Variants in DHX58 observed in about 807,000 individuals in gnomAD.
The protein encoded by DHX58 is ATP-dependent RNA helicase DHX58.
A neutral mutation model predicts 65.0 loss-of-function variants in DHX58; 51 were observed. The ratio of observed to expected loss-of-function variants is 0.78; its 90% CI spans 0.63 to 0.99. The LOEUF is 0.99. Ranked by LOEUF, DHX58 falls within the 50% of genes least tolerant of loss-of-function variation. The probability of loss-of-function intolerance (pLI) is 0.00; values close to 1 mark genes in which losing one functional copy is unlikely to be tolerated. For synonymous variants in DHX58, 350 were observed against 365.0 expected, an observed-to-expected ratio of 0.96 and a Z score of 0.47; for missense variants, 773 against 891.8, an observed-to-expected ratio of 0.87 and a Z score of 1.70.
chr17:42,102,713 C>G (rs1034137433), intron 12 of DHX58: 1 of 161,396 alleles, frequency 6.2e-6, no homozygotes, highest in Non-Finnish European at 1.3e-5. Flanking sequence ...ACTTTCACAC[C>G]TGACCTTTCA....
At chr17:42,110,201 A>G (rs2054128325) in intron 5 of DHX58, among the ~76,000 whole-genome samples, 2 of 151,974 alleles carry the variant, frequency 1.3e-5, no homozygotes, top group South Asian at 2.1e-4. Context: ...AAAAAAAAAA[A>G]AAAGAAAACA....
chr17:42,111,660 G>A (rs1555664310), intron 3 of DHX58, 65 bp downstream of exon 3: 2 of 1,574,044 alleles, frequency 1.3e-6, no homozygotes, highest in African/African-American at 1.3e-5. Flanking sequence ...TGGGGACTGG[G>A]AGATGCCTGA....
chr17:42,111,559 G>A, intron 3 of DHX58, 62 bp from the exon 4 acceptor site: 1 of 1,601,648 alleles, frequency 6.2e-7, no homozygotes, highest in Non-Finnish European at 8.5e-7. Context: ...TAGGGAGGCG[G>A]TAAGGTGACC....
In DHX58 at chr17:42,111,289, C is replaced by T; in HGVS notation, c.370+7G>A. On this transcript the variant is annotated splice_region_variant and intron_variant, in intron 4 of 13. Transcript: ENST00000251642. ...CGTATCTTTTTCCTCCCGGCCATGGCCCTCACCAGTGAGCTCCACGTGCTC... is the reference window on the plus strand; with the variant it reads ...CGTATCTTTTTCCTCCCGGCCATGGTCCTCACCAGTGAGCTCCACGTGCTC... 1 of 1,609,482 alleles carries T rather than the reference C, an allele frequency of 6.2e-7. No individual in the cohort carries two copies. The highest frequency in any genetic ancestry group is 2.2e-5 in the East Asian group (1 of 44,674).
intron 8 of DHX58, among the ~76,000 whole-genome samples, chr17:42,107,367 T>TTAA (rs55830333): frequency 0.017 from 2,392 of 140,100 alleles, 76 homozygotes; most frequent in African/African-American, 0.056. Flanking sequence ...CCCCGACTAT[T>TTAA]AAAAAAAAAA....
At chr17:42,102,432 A>G in intron 12 of DHX58, 120 bp from the exon 13 acceptor site, 1 of 808,906 alleles carries the variant, frequency 1.2e-6, no homozygotes, top group African/African-American at 1.7e-5. Flanking sequence ...TAAGAGGCAC[A>G]GACTTCCCAG....
At chr17:42,106,635 T>TAAAAAAAAA (rs2054064390) in intron 8 of DHX58, among the ~76,000 whole-genome samples, 2 of 105,290 alleles carry the variant, frequency 1.9e-5, no homozygotes, top group African/African-American at 5.6e-5. Context: ...CCGTCTCTAC[T>TAAAAAAAAA]AAAAATACAA....
At chr17:42,104,526 C>T (rs868937105) in intron 11 of DHX58, among the ~76,000 whole-genome samples, 6 of 152,162 alleles carry the variant, frequency 3.9e-5, no homozygotes, top group African/African-American at 1.2e-4. Context: ...CATAAAGTAT[C>T]TCATGGCAAA....
chr17:42,102,419 G>A, intron 12 of DHX58, 107 bp from the exon 13 acceptor site: 6 of 950,846 alleles, frequency 6.3e-6, no homozygotes, highest in African/African-American at 1.6e-5. Flanking sequence ...CCTTCCTGCT[G>A]GTTAAGAGGC....
chr17:42,107,525 T>G (rs577687203), intron 8 of DHX58, 79 bp downstream of exon 8: 4 of 1,436,376 alleles, frequency 2.8e-6, no homozygotes, highest in Non-Finnish European at 2.8e-6. Context: ...CCATCCGACC[T>G]TGGCGCCTGT....
At position 42,111,707 on chromosome 17, in the gene DHX58, T is replaced by A; in HGVS notation, c.168+18A>T. ...CCTGCTTGGTGGTGGGAGAGCGGGG[T>A]AGGGACAGACCACTCACCCTGTTGA... On this transcript the variant is annotated intron_variant, in intron 3 of 13. Transcript: ENST00000251642. The A allele has an allele frequency of 6.3e-7, 1 of 1,599,924 alleles. No individual in the cohort carries two copies. Among genetic ancestry groups the A allele is most frequent in the Non-Finnish European group, 8.5e-7 (1 of 1,169,948 alleles).
chr17:42,107,581 C>T lies in DHX58; in HGVS notation c.997+23G>A, dbSNP rs782162793. On this transcript the variant is annotated intron_variant, in intron 8 of 13. Transcript: ENST00000251642. ...ATCCAGGTCCCATCATCCCCGGCCC[C>T]GAAGCCCCCTCCCGCCCCTCACCAT... The T allele has an allele frequency of 4.6e-6, 7 of 1,537,674 alleles. No homozygotes were observed. The African/African-American group carries it at 5.4e-5, about 12-fold the overall frequency.
At chr17:42,112,302 C>G (rs180872760) in intron 1 of DHX58, 97 bp from the exon 2 acceptor site, 67 of 173,958 alleles carry the variant, frequency 3.9e-4, no homozygotes, top group African/African-American at 1.6e-3. Context: ...TAACAGTCAT[C>G]GCCAACTGCC....
At chr17:42,112,463 C>G (rs954647643) in intron 1 of DHX58, 142 bp downstream of exon 1, 1 of 173,698 alleles carries the variant, frequency 5.8e-6, no homozygotes, top group African/African-American at 2.4e-5. Flanking sequence ...CTGGCCAGAG[C>G]AGTCGGTACA....
intron 13 of DHX58, 22 bp from the exon 14 acceptor site, chr17:42,101,968 T>A (rs1555661644): frequency 6.3e-7 from 1 of 1,593,420 alleles, no homozygotes; most frequent in East Asian, 2.3e-5. Flanking sequence ...ACAGAGAGGG[T>A]AGGGTCTGGG....
In DHX58 at chr17:42,110,925, G is replaced by A; in HGVS notation, c.371-12C>T. The A allele has an allele frequency of 6.3e-7, 1 of 1,589,686 alleles. No homozygotes were observed. Among genetic ancestry groups the A allele is most frequent in the Non-Finnish European group, 8.6e-7 (1 of 1,165,720 alleles). On this transcript the variant is annotated splice_polypyrimidine_tract_variant and intron_variant, in intron 4 of 13. Coordinates refer to ENST00000251642, the MANE Select transcript of DHX58 (RefSeq NM_024119.3). ...GATCAGGGAGAAGACTGAGGGCACA[G>A]GGGGGAAGGCTGTGACCTATGTTTG... is the stretch of plus-strand genomic sequence containing the variant.
At chr17:42,109,953 C>T (rs1216373044) in intron 5 of DHX58, among the ~76,000 whole-genome samples, 1 of 151,188 alleles carries the variant, frequency 6.6e-6, no homozygotes, top group African/African-American at 2.4e-5. Flanking sequence ...TATGGGAGGC[C>T]AAGGCAGGTG....
Position 42,105,152 on chromosome 17 carries a change from CT to C in DHX58, c.1266del (p.Val423Ter). The C allele has an allele frequency of 1.9e-6, 3 of 1,613,160 alleles. No homozygotes were observed. Among genetic ancestry groups the C allele is most frequent in the Non-Finnish European group, 2.5e-6 (3 of 1,179,530 alleles). ...STHMTQRDQQ[E>X]VIQKFQDGTL... ...GTTCCATCTTGGAACTTCTGGATCACTTCTTGCTGGTCCCTCTGCAGGCGGA... is the reference window on the plus strand; with the variant it reads ...GTTCCATCTTGGAACTTCTGGATCACTCTTGCTGGTCCCTCTGCAGGCGGA... On this transcript the variant is annotated frameshift_variant, in exon 10 of 14. Coordinates refer to ENST00000251642, the MANE Select transcript of DHX58 (RefSeq NM_024119.3). LOFTEE classifies it high-confidence loss of function.
At position 42,111,983 on chromosome 17, in the gene DHX58, C is replaced by T. The variant is rs141626326; in HGVS notation, c.-1-90G>A. 195 of 1,471,292 alleles carry T rather than the reference C, an allele frequency of 1.3e-4. No individual in the cohort carries two copies. In the African/African-American group the frequency reaches 2.4e-3, roughly 18 times the overall value. The allele number at this position is 1,471,292 out of a possible 1,614,324, so 91.1% of individuals were successfully genotyped here. On this transcript the variant is annotated intron_variant, in intron 2 of 13. Transcript: ENST00000251642. ...GTCAGTACAGAGACCTCCCTTTGCC[C>T]AGGACTCCACCCCACTTGAGGGAGG...
Sources: allele counts gnomAD v4.1 joint callset (sites outside exome capture counted in the v4.1 genomes callset), GRCh38; gene constraint gnomAD v4.1.1; transcripts MANE v1.5; gene names NCBI Gene and HGNC (gene_info 2026-07-23, HGNC 2026-07-21).